The following APP variants were observed in gnomAD, a reference collection of about 807,000 sequenced individuals.
APP encodes amyloid beta precursor protein.
APP carries 31 observed loss-of-function variants against 101.4 expected under a neutral mutation model. That is an observed-to-expected ratio of 0.31 (90% CI 0.23 to 0.41). The LOEUF (loss-of-function observed/expected upper bound fraction) is 0.41. Ranked by LOEUF, APP falls within the 10% of genes least tolerant of loss-of-function variation. The probability of loss-of-function intolerance (pLI) is 1.00; values close to 1 mark genes in which losing one functional copy is unlikely to be tolerated. For synonymous variants in APP, 366 were observed against 364.4 expected (o/e 1.00, Z -0.05); for missense variants, 839 against 1,003.7 (o/e 0.84, Z 2.22).
At chr21:25,903,368 CAAAAA>C (rs937462787) in intron 15 of APP, among the ~76,000 whole-genome samples, 1 of 68,578 alleles carries the variant, frequency 1.5e-5, no homozygotes, top group African/African-American at 4.2e-5. Context: ...GACTCCATCT[CAAAAA>C]AAAAAAAAAA....
Position 25,911,873 on chromosome 21 carries a change from G to T in APP, c.1777C>A (p.Leu593Ile). Residue 593 changes from leucine to isoleucine, a missense_variant, in exon 14 of 18, where the codon CTC becomes ATC. By Grantham distance (5) the Leu-to-Ile change is conservative (BLOSUM62 2). Coordinates refer to ENST00000346798, the MANE Select transcript of APP (RefSeq NM_000484.4). ...TTCGTTTCGGTCAAAGATGGCATGA[G>T]AGCATCGTTTCCGTAACTGATCCTT... ...EPRISYGNDALMPSLTETKTT... is the reference protein window; with the variant it reads ...EPRISYGNDAIMPSLTETKTT... 2 of 1,614,212 alleles carry T rather than the reference G, an allele frequency of 1.2e-6. No individual in the cohort carries two copies. The highest frequency in any genetic ancestry group is 1.7e-6 in the Non-Finnish European group (2 of 1,180,040).
At chr21:26,130,623 A>C (rs1315063256) in intron 1 of APP, among the ~76,000 whole-genome samples, 1 of 152,256 alleles carries the variant, frequency 6.6e-6, no homozygotes, top group East Asian at 1.9e-4. Context: ...TATTCATGAC[A>C]TTTCCTAAGG....
intron 13 of APP, chr21:25,937,939 A>T (rs2040423753): frequency 6.6e-6 from 1 of 151,690 alleles, no homozygotes; most frequent in Non-Finnish European, 1.5e-5. Context: ...CCAGCTTATT[A>T]TTTTTTTGAC....
At chr21:26,030,306 T>C (rs1263682730) in intron 5 of APP, among the ~76,000 whole-genome samples, 1 of 152,322 alleles carries the variant, frequency 6.6e-6, no homozygotes, top group East Asian at 1.9e-4. Context: ...ATGCATAACC[T>C]GTGAAGGACC....
chr21:25,927,721 T>C (rs187343564), intron 13 of APP, among the ~76,000 whole-genome samples: 357 of 152,338 alleles, frequency 2.3e-3, no homozygotes, highest in African/African-American at 8.2e-3. Context: ...TCACATCATT[T>C]GTGAAAATAT....
intron 13 of APP, among the ~76,000 whole-genome samples, chr21:25,915,155 C>G (rs1378908212): frequency 6.6e-6 from 1 of 152,236 alleles, no homozygotes; most frequent in East Asian, 1.9e-4. Context: ...CTCCAGCTGT[C>G]TACACCACAC....
intron 11 of APP, among the ~76,000 whole-genome samples, chr21:25,974,640 C>T (rs1449719015): frequency 6.6e-6 from 1 of 152,200 alleles, no homozygotes; most frequent in Admixed American, 6.5e-5. Context: ...GACTTCTCAG[C>T]CTCTGCAACT....
At chr21:26,111,845 G>T in intron 2 of APP, 134 bp downstream of exon 2, 1 of 862,768 alleles carries the variant, frequency 1.2e-6, no homozygotes, top group Non-Finnish European at 2.0e-6. Context: ...ATATATTAAT[G>T]GTATGGTGAA....
At chr21:25,890,259 C>T (rs1314282507) in intron 17 of APP, among the ~76,000 whole-genome samples, 2 of 152,180 alleles carry the variant, frequency 1.3e-5, no homozygotes, top group African/African-American at 2.4e-5. Context: ...CAATTTCCAT[C>T]AGCAGCTTCT....
At chr21:25,967,434 G>A (rs425146) in intron 11 of APP, among the ~76,000 whole-genome samples, 48,686 of 152,030 alleles carry the variant, frequency 0.32, 8,841 homozygotes, top group East Asian at 0.49. Context: ...ACTGTCTGAT[G>A]AAAGATTTAG....
At chr21:25,932,477 A>G (rs2040190177) in intron 13 of APP, among the ~76,000 whole-genome samples, 1 of 152,110 alleles carries the variant, frequency 6.6e-6, no homozygotes, top group Admixed American at 6.5e-5. Flanking sequence ...CGCCTGGGGT[A>G]ACTGCTTTCC....
intron 15 of APP, 99 bp from the exon 16 acceptor site, chr21:25,897,772 G>A (rs2038176867): frequency 2.0e-6 from 2 of 980,840 alleles, no homozygotes; most frequent in South Asian, 2.6e-5. Flanking sequence ...TTCTTTCTAG[G>A]CCTGAAGTTA....
chr21:26,063,320 G>A (rs2046343193), intron 3 of APP, among the ~76,000 whole-genome samples: 1 of 152,150 alleles, frequency 6.6e-6, no homozygotes, highest in African/African-American at 2.4e-5. Flanking sequence ...GGTGAACATG[G>A]ACAAATACAT....
chr21:26,137,058 C>T lies in APP; in HGVS notation c.58-24912G>A, dbSNP rs941629746. Among the ~76,000 whole-genome samples the T allele has an allele frequency of 3.7e-4, 56 of 152,170 alleles. 1 individual carries two copies. The highest frequency in any genetic ancestry group is 5.3e-4 in the Non-Finnish European group (36 of 68,014). ...CAAGAGATCCTCCCGCCTCCACCTCCGCCTCCTGAGTAGCTGGGACTACAG... is the reference window on the plus strand; with the variant it reads ...CAAGAGATCCTCCCGCCTCCACCTCTGCCTCCTGAGTAGCTGGGACTACAG... On this transcript the variant is annotated intron_variant, in intron 1 of 17. Coordinates refer to ENST00000346798, the MANE Select transcript of APP (RefSeq NM_000484.4).
At chr21:25,993,686 G>A (rs767019833) in intron 8 of APP, among the ~76,000 whole-genome samples, 3 of 152,162 alleles carry the variant, frequency 2.0e-5, no homozygotes, top group African/African-American at 4.8e-5. Context: ...GAAAGTACAC[G>A]TGTTTACACC....
At chr21:26,061,910 G>A (rs974623339) in intron 3 of APP, among the ~76,000 whole-genome samples, 2 of 152,148 alleles carry the variant, frequency 1.3e-5, no homozygotes, top group Non-Finnish European at 2.9e-5. Context: ...AGATGGCAGA[G>A]TGAGTATAAG....
chr21:26,152,306 AAT>A (rs1555884587), intron 1 of APP, among the ~76,000 whole-genome samples: 3 of 145,330 alleles, frequency 2.1e-5, no homozygotes, highest in East Asian at 4.2e-4. Flanking sequence ...AAAAAAAAAA[AAT>A]GGGCCAAGGA....
At chr21:26,110,788 A>G (rs554592691) in intron 2 of APP, among the ~76,000 whole-genome samples, 3 of 152,182 alleles carry the variant, frequency 2.0e-5, no homozygotes, top group Non-Finnish European at 4.4e-5. Context: ...TTTCTAGTAC[A>G]AAAAGGATTA....
chr21:26,170,033 G>A (rs960300066), intron 1 of APP, among the ~76,000 whole-genome samples: 3 of 152,158 alleles, frequency 2.0e-5, no homozygotes, highest in Non-Finnish European at 4.4e-5. Flanking sequence ...GGTGAGAGAG[G>A]AAGGTGAAAC....
Sources: allele counts gnomAD v4.1 joint callset (sites outside exome capture counted in the v4.1 genomes callset), GRCh38; gene constraint gnomAD v4.1.1; transcripts MANE v1.5; gene names NCBI Gene and HGNC (gene_info 2026-07-23, HGNC 2026-07-21).